NME1: variants seen among roughly 807,000 people sequenced by gnomAD.
NME1 encodes NME/NM23 nucleoside diphosphate kinase 1.
Under a neutral mutation model 17.2 loss-of-function variants are expected in NME1, and 9 were observed. The observed-to-expected ratio is 0.52, with a 90% CI of 0.32 to 0.92. The LOEUF is 0.92. NME1 is among the 40% of genes least tolerant of loss of function. The pLI is 0.04. For missense variants in NME1, 169 were observed against 201.7 expected (o/e 0.84, Z 0.98); for synonymous variants, 72 against 70.8 (o/e 1.02, Z -0.09).
chr17:51,155,716 T>G lies in NME1; in HGVS notation c.62T>G (p.Val21Gly), dbSNP rs1402980268. The part of the protein sequence containing the change: ...IKPDGVQRGL[V>G]GEIIKRFEQK... ...CCAGATGGGGTCCAGCGGGGTCTTGTGGGAGAGATTATCAAGCGTTTTGAG... is the reference window on the plus strand; with the variant it reads ...CCAGATGGGGTCCAGCGGGGTCTTGGGGGAGAGATTATCAAGCGTTTTGAG... The change falls in exon 2 of 5, where the codon GTG becomes GGG. Residue 21 changes from valine (V) to glycine (G), a missense_variant. Transcript: ENST00000393196. The G allele has an allele frequency of 1.2e-6, 2 of 1,614,188 alleles. No homozygotes were observed. Among genetic ancestry groups the G allele is most frequent in the Non-Finnish European group, 1.7e-6 (2 of 1,180,016 alleles).
rs143076142 is a variant in NME1, at chr17:51,153,881, A to T, written c.-5+219A>T. ...TTTGTCGGTGGCCGCCTTTCTCGTC[A>T]GGCCGCGACGACAGGGCTGTGCCTT... On this transcript the variant is annotated intron_variant, in intron 1 of 4. Coordinates refer to ENST00000393196, the MANE Select transcript of NME1 (RefSeq NM_000269.3). Among the ~76,000 whole-genome samples, 757 of 152,134 alleles carry T rather than the reference A, an allele frequency of 5.0e-3. 3 individuals carry two copies. Among genetic ancestry groups the T allele is most frequent in the African/African-American group, 0.017 (712 of 41,480 alleles).
At chr17:51,160,211 G>A (rs1259884539) in intron 3 of NME1, 130 bp downstream of exon 3, 1 of 934,454 alleles carries the variant, frequency 1.1e-6, no homozygotes, top group Admixed American at 1.9e-5. Flanking sequence ...CCAGCTAATG[G>A]TTAGTGATAG....
rs143733854 is a variant in NME1, at chr17:51,154,918, A to C, written c.-4-733A>C. Reference sequence around the variant, plus strand: ...CTAGTTCCACCGCAGTGTTTGGTACACAGTAGATGTTTAAAAGAAGCTTAT... The same window carrying C: ...CTAGTTCCACCGCAGTGTTTGGTACCCAGTAGATGTTTAAAAGAAGCTTAT... On this transcript the variant is annotated intron_variant, in intron 1 of 4. Coordinates refer to ENST00000393196, the MANE Select transcript of NME1 (RefSeq NM_000269.3). Among the ~76,000 whole-genome samples the C allele has an allele frequency of 3.1e-3, 465 of 152,310 alleles. 2 individuals carry two copies. The highest frequency in any genetic ancestry group is 0.011 in the African/African-American group (441 of 41,564).
At chr17:51,161,610 C>A in intron 4 of NME1, 118 bp from the exon 5 acceptor site, 1 of 865,402 alleles carries the variant, frequency 1.2e-6, no homozygotes, top group Admixed American at 1.8e-5. Flanking sequence ...TTTCTTTTAA[C>A]ATGGTCTAAT....
In NME1 at chr17:51,155,702, C is replaced by G. The variant is rs1157107816; in HGVS notation, c.48C>G (p.Val16=). ...RTFIAIKPDG[V]QRGLVGEIIK... ...TCATTGCGATCAAACCAGATGGGGTCCAGCGGGGTCTTGTGGGAGAGATTA... is the reference window on the plus strand; with the variant it reads ...TCATTGCGATCAAACCAGATGGGGTGCAGCGGGGTCTTGTGGGAGAGATTA... The change falls in exon 2 of 5, where the codon GTC becomes GTG. Residue 16 remains valine (V), a synonymous_variant. Coordinates refer to ENST00000393196, the MANE Select transcript of NME1 (RefSeq NM_000269.3). 4 of 1,614,176 alleles carry G rather than the reference C, an allele frequency of 2.5e-6. No individual in the cohort carries two copies. In the East Asian group the frequency reaches 8.9e-5, roughly 36 times the overall value.
chr17:51,161,442 T>G, intron 4 of NME1, 170 bp downstream of exon 4: 1 of 731,814 alleles, frequency 1.4e-6, no homozygotes, highest in Non-Finnish European at 2.4e-6. Context: ...TTAACATCAC[T>G]TAGTCGTACC....
intron 2 of NME1, among the ~76,000 whole-genome samples, chr17:51,158,647 T>G (rs552775333): frequency 6.6e-6 from 1 of 152,316 alleles, no homozygotes; most frequent in Admixed American, 6.5e-5. Flanking sequence ...TGATGATAAC[T>G]GGTGGCTGAA....
In NME1 at chr17:51,161,849, G is replaced by A. The variant is rs2049869050; in HGVS notation, c.*4G>A. 2.5e-6 allele frequency: 4 copies of A among 1,578,258 alleles called. No homozygotes were observed. The highest frequency in any genetic ancestry group is 3.5e-6 in the Non-Finnish European group (4 of 1,147,686). On this transcript the variant is annotated 3_prime_UTR_variant, in exon 5 of 5. Coordinates refer to ENST00000393196, the MANE Select transcript of NME1 (RefSeq NM_000269.3). The stretch of plus-strand genomic sequence containing the variant: ...TCAGAACTGGATCTATGAATGACAG[G>A]AGGGCAGACCACATTGCTTTTCACA...
In NME1 at chr17:51,154,588, A is replaced by C. The variant is rs535933683; in HGVS notation, c.-5+926A>C. On this transcript the variant is annotated intron_variant, in intron 1 of 4. Transcript: ENST00000393196. ...CACCCCACCGTTTATTGGCTAGTCA[A>C]AATATTCTTTGCATTGTAAAGTGTA... 4.3e-6 allele frequency: 3 copies of C among 704,362 alleles called. No individual in the cohort carries two copies. The African/African-American group carries it at 5.3e-5, about 12-fold the overall frequency. The allele number at this position is 704,362 out of a possible 1,614,324, so 43.6% of individuals were successfully genotyped here.
In NME1 at chr17:51,155,635, A is replaced by G. The variant is rs1369602665; in HGVS notation, c.-4-16A>G. ...TGATTCACTGCTGTTTCATTCCTCT[A>G]CCTGCCTATCCCCAGAACCATGGCC... On this transcript the variant is annotated splice_polypyrimidine_tract_variant and intron_variant, in intron 1 of 4. Transcript: ENST00000393196. 2.5e-6 allele frequency: 4 copies of G among 1,613,216 alleles called. No homozygotes were observed. The highest frequency in any genetic ancestry group is 2.5e-6 in the Non-Finnish European group (3 of 1,179,526).
chr17:51,161,287 T>C lies in NME1; in HGVS notation c.341+15T>C. The C allele has an allele frequency of 6.3e-7, 1 of 1,583,522 alleles. No individual in the cohort carries two copies. Among genetic ancestry groups the C allele is most frequent in the Non-Finnish European group, 8.6e-7 (1 of 1,163,890 alleles). On this transcript the variant is annotated intron_variant, in intron 4 of 4. Transcript: ENST00000393196. ...CAAGTTGGCAGGTGAGATTTTGGTA[T>C]TTTTCCCCCTTTTCCAAAATCTGAT...
intron 1 of NME1, among the ~76,000 whole-genome samples, chr17:51,155,391 C>A (rs945335663): frequency 1.3e-5 from 2 of 152,114 alleles, no homozygotes; most frequent in Non-Finnish European, 2.9e-5. Flanking sequence ...TCTAAAAAAA[C>A]CCCACAAAAA....
At chr17:51,156,790 G>A (rs1264533187) in intron 2 of NME1, among the ~76,000 whole-genome samples, 1 of 151,554 alleles carries the variant, frequency 6.6e-6, no homozygotes, top group African/African-American at 2.4e-5. Context: ...TACTCGGGAG[G>A]CTGAGACAGG....
chr17:51,156,078 T>C (rs2049781617), intron 2 of NME1: 1 of 368,020 alleles, frequency 2.7e-6, no homozygotes, highest in Non-Finnish European at 5.3e-6. Flanking sequence ...GCTGAGCATG[T>C]TTGAGTTCTT....
chr17:51,157,166 TGACTC>T (rs1368596607), intron 2 of NME1, among the ~76,000 whole-genome samples: 2 of 151,492 alleles, frequency 1.3e-5, no homozygotes, highest in African/African-American at 2.4e-5. Context: ...GCTGGCACAG[TGACTC>T]GCCTGTCATC....
intron 4 of NME1, 138 bp downstream of exon 4, chr17:51,161,410 A>G (rs2144870195): frequency 1.1e-6 from 1 of 920,802 alleles, no homozygotes; most frequent in Middle Eastern, 3.0e-4. Context: ...CTCCCTCTTA[A>G]GTTGGCGTTT....
In NME1 at chr17:51,161,286, A is replaced by T. The variant is rs1568122706; in HGVS notation, c.341+14A>T. 6.3e-7 allele frequency: 1 copy of T among 1,591,582 alleles called. No individual in the cohort carries two copies. Among genetic ancestry groups the T allele is most frequent in the South Asian group, 1.1e-5 (1 of 87,822 alleles). ...ACAAGTTGGCAGGTGAGATTTTGGT[A>T]TTTTTCCCCCTTTTCCAAAATCTGA... On this transcript the variant is annotated intron_variant, in intron 4 of 4. Transcript: ENST00000393196.
intron 2 of NME1, among the ~76,000 whole-genome samples, chr17:51,158,096 G>A (rs761015839): frequency 7.2e-5 from 11 of 152,090 alleles, no homozygotes; most frequent in Non-Finnish European, 1.5e-4. Flanking sequence ...CCTGGCCAAC[G>A]TGGTGAAACC....
At chr17:51,156,721 G>A (rs551483994) in intron 2 of NME1, among the ~76,000 whole-genome samples, 12 of 151,668 alleles carry the variant, frequency 7.9e-5, no homozygotes, top group Non-Finnish European at 1.0e-4. Context: ...ATGAAACCCC[G>A]TCTCTACTAA....
Sources: gnomAD v4.1 joint callset for allele counts (sites outside exome capture counted in the v4.1 genomes callset) on GRCh38, gnomAD v4.1.1 for gene constraint, MANE v1.5 for transcripts, NCBI Gene and HGNC (gene_info 2026-07-23, HGNC 2026-07-21) for gene names.